ATP9B: variants seen among roughly 807,000 people sequenced by gnomAD.
ATP9B encodes the protein ATPase phospholipid transporting 9B, also known as probable phospholipid-transporting ATPase IIB.
In ATP9B, 110 loss-of-function variants were observed where a neutral mutation model predicts 146.1. That is an observed-to-expected ratio of 0.75 (90% CI 0.65 to 0.88). ATP9B has a LOEUF of 0.88. Ranked by LOEUF, ATP9B falls within the 40% of genes least tolerant of loss-of-function variation. The probability of loss-of-function intolerance (pLI) is 0.00; values close to 1 mark genes in which losing one functional copy is unlikely to be tolerated. For synonymous variants in ATP9B, 604 were observed against 569.7 expected, an observed-to-expected ratio of 1.06 and a Z score of -0.86; for missense variants, 1,499 against 1,496.4, an observed-to-expected ratio of 1.00 and a Z score of -0.03.
Position 79,259,552 on chromosome 18 carries a change from T to TGAA in ATP9B, c.1268+6013_1268+6015dup, listed in dbSNP as rs2096119157. Among the ~76,000 whole-genome samples the TGAA allele has an allele frequency of 3.3e-5, 5 of 152,196 alleles. No homozygotes were observed. The South Asian group carries it at 1.0e-3, about 32-fold the overall frequency. On this transcript the variant is annotated intron_variant, in intron 12 of 29. Transcript: ENST00000426216. Reference sequence around the variant, plus strand: ...GTGGCTTTGTTGAAAGCACTGAAGGTGAAGGGTGTTTGTGTGGCTTAGGGA... The same window carrying TGAA: ...GTGGCTTTGTTGAAAGCACTGAAGGTGAAGAAGGGTGTTTGTGTGGCTTAGGGA...
chr18:79,219,647 G>C (rs111708584), intron 11 of ATP9B, among the ~76,000 whole-genome samples: 1 of 151,970 alleles, frequency 6.6e-6, no homozygotes, highest in Non-Finnish European at 1.5e-5. Flanking sequence ...CACTCTTTCT[G>C]TCTCCCTCCC....
At chr18:79,231,151 C>T (rs943189687) in intron 11 of ATP9B, among the ~76,000 whole-genome samples, 8 of 151,974 alleles carry the variant, frequency 5.3e-5, no homozygotes, top group East Asian at 1.9e-4. Context: ...TAGATAGACG[C>T]GACATAAACT....
intron 3 of ATP9B, among the ~76,000 whole-genome samples, chr18:79,112,610 A>T (rs975849865): frequency 1.3e-5 from 2 of 152,098 alleles, no homozygotes; most frequent in Non-Finnish European, 2.9e-5. Context: ...ACAACTTCTT[A>T]TATTTTATCA....
At chr18:79,190,749 A>C (rs1041197775) in intron 8 of ATP9B, among the ~76,000 whole-genome samples, 6 of 151,916 alleles carry the variant, frequency 3.9e-5, no homozygotes, top group Non-Finnish European at 8.8e-5. Flanking sequence ...TTTCTCCATG[A>C]GGGCCAGGCT....
chr18:79,129,472 AG>A (rs2094341925), intron 5 of ATP9B, among the ~76,000 whole-genome samples: 1 of 152,170 alleles, frequency 6.6e-6, no homozygotes, highest in Non-Finnish European at 1.5e-5. Context: ...AGCCCAGGAC[AG>A]GTTTTGTTTG....
chr18:79,217,109 A>G (rs575082301), intron 11 of ATP9B, among the ~76,000 whole-genome samples: 35 of 152,242 alleles, frequency 2.3e-4, no homozygotes, highest in Admixed American at 4.6e-4. Flanking sequence ...GACACGTCTC[A>G]AGACAAAGCG....
At position 79,209,646 on chromosome 18, in the gene ATP9B, T is replaced by C. The variant is rs558074204; in HGVS notation, c.1030+2634T>C. On this transcript the variant is annotated intron_variant, in intron 10 of 29. Transcript: ENST00000426216. Reference sequence around the variant, plus strand: ...CCTGTCCATTCTGTTCTCTTTGCCATCTAGCATTCAGTGTTGTGTCTTCCT... The same window carrying C: ...CCTGTCCATTCTGTTCTCTTTGCCACCTAGCATTCAGTGTTGTGTCTTCCT... 13 of 985,398 alleles carry C rather than the reference T, an allele frequency of 1.3e-5. 1 individual carries two copies. The South Asian group carries it at 5.2e-4, about 39-fold the overall frequency. 61.0% of individuals were successfully genotyped at this position (985,398 alleles called of 1,614,324 possible).
intron 8 of ATP9B, among the ~76,000 whole-genome samples, chr18:79,192,367 G>A (rs942582776): frequency 1.2e-4 from 19 of 152,118 alleles, no homozygotes; most frequent in Non-Finnish European, 4.4e-5. Context: ...AAGACCACCC[G>A]AAATTAGATG....
intron 7 of ATP9B, among the ~76,000 whole-genome samples, chr18:79,156,121 C>G (rs181476353): frequency 6.6e-6 from 1 of 152,166 alleles, no homozygotes; most frequent in Non-Finnish European, 1.5e-5. Flanking sequence ...GAGATGAATT[C>G]TGCCATTAAC....
intron 12 of ATP9B, among the ~76,000 whole-genome samples, chr18:79,260,692 T>C (rs980445636): frequency 6.6e-6 from 1 of 152,200 alleles, no homozygotes; most frequent in African/African-American, 2.4e-5. Context: ...AGGAAACAGC[T>C]TGATAGAGCT....
chr18:79,341,678 G>T (rs534271436), intron 19 of ATP9B, among the ~76,000 whole-genome samples: 2 of 139,390 alleles, frequency 1.4e-5, no homozygotes, highest in African/African-American at 2.6e-5. Context: ...GTTGTGGTTG[G>T]ATGTGTGTAG....
intron 6 of ATP9B, among the ~76,000 whole-genome samples, chr18:79,153,692 C>T (rs1191853278): frequency 2.7e-5 from 4 of 150,266 alleles, no homozygotes; most frequent in Non-Finnish European, 4.4e-5. Flanking sequence ...CCTCTGCTTG[C>T]CAGGCTGAAG....
chr18:79,153,803 C>T (rs760793275), intron 6 of ATP9B, among the ~76,000 whole-genome samples: 2 of 151,854 alleles, frequency 1.3e-5, no homozygotes, highest in Non-Finnish European at 2.9e-5. Flanking sequence ...GGCATGCCAC[C>T]ACACTGGCTG....
intron 13 of ATP9B, among the ~76,000 whole-genome samples, chr18:79,287,199 G>T (rs945795953): frequency 2.6e-5 from 4 of 152,210 alleles, no homozygotes; most frequent in African/African-American, 9.6e-5. Flanking sequence ...AATGATACCA[G>T]TTCCTCCTTG....
At chr18:79,244,671 T>G (rs1439606271) in intron 11 of ATP9B, among the ~76,000 whole-genome samples, 1 of 152,186 alleles carries the variant, frequency 6.6e-6, no homozygotes, top group Non-Finnish European at 1.5e-5. Context: ...TTTAAGAGTG[T>G]TTCTACCCTA....
chr18:79,238,593 G>A (rs140872927), intron 11 of ATP9B, among the ~76,000 whole-genome samples: 10 of 152,268 alleles, frequency 6.6e-5, no homozygotes, highest in Non-Finnish European at 1.3e-4. Flanking sequence ...CTCCAGCCCC[G>A]TTCTGCGCTC....
intron 7 of ATP9B, among the ~76,000 whole-genome samples, chr18:79,175,339 G>T (rs1050569086): frequency 8.6e-5 from 13 of 151,986 alleles, no homozygotes; most frequent in Non-Finnish European, 1.6e-4. Flanking sequence ...AAAGTTTGGT[G>T]TAATTTGGCT....
At chr18:79,256,091 TATAA>T (rs1235859137) in intron 12 of ATP9B, among the ~76,000 whole-genome samples, 1 of 151,798 alleles carries the variant, frequency 6.6e-6, no homozygotes, top group Non-Finnish European at 1.5e-5. Flanking sequence ...GAAGTTATTC[TATAA>T]ATATCCATTA....
At chr18:79,236,403 G>T (rs2095841529) in intron 11 of ATP9B, among the ~76,000 whole-genome samples, 1 of 152,038 alleles carries the variant, frequency 6.6e-6, no homozygotes, top group East Asian at 1.9e-4. Context: ...CCACTCTGCT[G>T]GTTGCCTTCT....
Sources: gnomAD v4.1 joint callset for allele counts (sites outside exome capture counted in the v4.1 genomes callset) on GRCh38, gnomAD v4.1.1 for gene constraint, MANE v1.5 for transcripts, NCBI Gene and HGNC (gene_info 2026-07-23, HGNC 2026-07-21) for gene names.